ABCC1: variants seen among roughly 807,000 people sequenced by gnomAD.
ABCC1 encodes the protein multidrug resistance-associated protein 1.
In ABCC1, 83 loss-of-function variants were observed where a neutral mutation model predicts 172.9. The ratio of observed to expected loss-of-function variants is 0.48; its 90% confidence interval spans 0.40 to 0.58. ABCC1 has a LOEUF of 0.58. Ranked by LOEUF, ABCC1 falls within the 20% of genes least tolerant of loss-of-function variation. ABCC1 has a pLI of 0.00. For missense variants in ABCC1, 1,817 were observed against 2,002.7 expected (o/e 0.91, Z 1.77); for synonymous variants, 937 against 825.2 (o/e 1.14, Z -2.32).
At chr16:16,128,854 G>T (rs1435758914) in intron 26 of ABCC1, among the ~76,000 whole-genome samples, 3 of 152,148 alleles carry the variant, frequency 2.0e-5, no homozygotes, top group Admixed American at 6.5e-5. Context: ...AAATTAGTTG[G>T]CATGGTGGCA....
chr16:16,134,631 T>A, intron 28 of ABCC1, 123 bp downstream of exon 28: 11 of 680,678 alleles, frequency 1.6e-5, no homozygotes, highest in South Asian at 4.1e-5. Flanking sequence ...CGTTCTTTTT[T>A]TTTTTTTTTT....
intron 20 of ABCC1, among the ~76,000 whole-genome samples, chr16:16,105,713 T>C (rs2052056322): frequency 7.4e-6 from 1 of 135,578 alleles, no homozygotes; most frequent in African/African-American, 2.9e-5. Flanking sequence ...TCTTTTCTTT[T>C]CTTTTTTTTT....
intron 9 of ABCC1, among the ~76,000 whole-genome samples, chr16:16,046,551 G>A (rs993856824): frequency 4.6e-5 from 7 of 152,024 alleles, no homozygotes; most frequent in African/African-American, 7.2e-5. Flanking sequence ...CGCCATGTTG[G>A]CCAGGCTGAT....
At chr16:15,974,381 A>G (rs2046436549) in intron 1 of ABCC1, among the ~76,000 whole-genome samples, 1 of 43,350 alleles carries the variant, frequency 2.3e-5, no homozygotes, top group African/African-American at 1.3e-4. Flanking sequence ...CTTGACAATG[A>G]TGCTCAGACC....
chr16:16,124,327 GT>G (rs2045311431), intron 24 of ABCC1, among the ~76,000 whole-genome samples: 1 of 85,818 alleles, frequency 1.2e-5, no homozygotes. Context: ...GTGTGTGTGT[GT>G]GTGTGTGTGT....
At position 16,044,506 on chromosome 16, in the gene ABCC1, C is replaced by A; in HGVS notation, c.866C>A (p.Ser289Tyr). The A allele has an allele frequency of 6.2e-7, 1 of 1,614,140 alleles. No homozygotes were observed. The highest frequency in any genetic ancestry group is 8.5e-7 in the Non-Finnish European group (1 of 1,180,038). Reference protein sequence around the residue: ...SKDPAQPKESSKVDANEEVEA... With the variant: ...SKDPAQPKESYKVDANEEVEA... ...GATCCTGCCCAGCCGAAAGAGAGTT[C>A]CAAGGTGGATGCGAATGAGGAGGTG... The change falls in exon 8 of 31, where the codon TCC becomes TAC. Residue 289 changes from serine to tyrosine, a missense_variant. By Grantham distance (144) the Ser-to-Tyr change is moderately radical (BLOSUM62 -2). Coordinates refer to ENST00000399410, the MANE Select transcript of ABCC1 (RefSeq NM_004996.4).
At chr16:16,086,772 G>A (rs1238268141) in intron 17 of ABCC1, 52 bp from the exon 18 acceptor site, 4 of 1,597,120 alleles carry the variant, frequency 2.5e-6, no homozygotes, top group Non-Finnish European at 3.4e-6. Flanking sequence ...TCTACGTATT[G>A]TGAGTCTCAA....
chr16:16,053,122 A>G (rs774028371), intron 11 of ABCC1, among the ~76,000 whole-genome samples: 1 of 152,130 alleles, frequency 6.6e-6, no homozygotes, highest in Non-Finnish European at 1.5e-5. Context: ...CTGGAATCAG[A>G]AGGTCTGTGA....
chr16:15,951,216 CTT>C (rs2045863833), intron 1 of ABCC1, among the ~76,000 whole-genome samples: 2 of 152,156 alleles, frequency 1.3e-5, no homozygotes, highest in East Asian at 3.9e-4. Context: ...AGAATATTCT[CTT>C]GTTTATTTTC....
chr16:16,078,560 C>T (rs2050678265), intron 15 of ABCC1, among the ~76,000 whole-genome samples: 1 of 152,212 alleles, frequency 6.6e-6, no homozygotes. Context: ...CTGGCCACTA[C>T]CTACCTCAGT....
intron 26 of ABCC1, among the ~76,000 whole-genome samples, chr16:16,128,460 T>A (rs1456615825): frequency 6.6e-6 from 1 of 152,212 alleles, no homozygotes; most frequent in Admixed American, 6.5e-5. Flanking sequence ...GAGTTCAGTT[T>A]TTAAAAGCAT....
chr16:16,085,309 G>A (rs1479111447), intron 17 of ABCC1, among the ~76,000 whole-genome samples: 1 of 152,176 alleles, frequency 6.6e-6, no homozygotes, highest in Non-Finnish European at 1.5e-5. Context: ...TGCTTGCCTG[G>A]CCACTTTGCT....
At chr16:15,985,102 T>G (rs751032581) in intron 1 of ABCC1, among the ~76,000 whole-genome samples, 1 of 152,138 alleles carries the variant, frequency 6.6e-6, no homozygotes, top group Non-Finnish European at 1.5e-5. Context: ...GACTCTGTCT[T>G]AAAGCAAAAA....
rs975801270 is a variant in ABCC1, at chr16:16,009,843, G to C, written c.293G>C (p.Arg98Pro). 3 of 1,611,836 alleles carry C rather than the reference G, an allele frequency of 1.9e-6. No individual in the cohort carries two copies. The highest frequency in any genetic ancestry group is 4.5e-5 in the East Asian group (2 of 44,710). The stretch of plus-strand genomic sequence containing the variant: ...TTCTACTCTTTCTGGGAAAGAAGTC[G>C]GGGCATATTCCTGGCCCCAGTGTTT... Reference protein sequence around the residue: ...DLFYSFWERSRGIFLAPVFLV... With the variant: ...DLFYSFWERSPGIFLAPVFLV... Residue 98 changes from arginine (R) to proline (P), a missense_variant, in exon 3 of 31, where the codon CGG becomes CCG. Physicochemically the swap from Arg to Pro is moderately radical, Grantham distance 103. This residue lies in a region of ABCC1 where 398 missense variants were observed against 384.2 expected (regional missense o/e 1.04). Transcript: ENST00000399410.
intron 1 of ABCC1, among the ~76,000 whole-genome samples, chr16:15,996,631 GTTATCCCTGCAGGCCTGCTTGCC>G (rs941831512): frequency 7.3e-4 from 111 of 152,276 alleles, no homozygotes; most frequent in African/African-American, 2.4e-3. Context: ...GGCTGCATGC[GTTATCCCTGCAGGCCTGCTTGCC>G]TTATCCCTGC....
At chr16:16,133,527 C>A (rs1227353712) in intron 27 of ABCC1, among the ~76,000 whole-genome samples, 1 of 152,096 alleles carries the variant, frequency 6.6e-6, no homozygotes, top group African/African-American at 2.4e-5. Flanking sequence ...CCTCCGTCTC[C>A]CGAGTATCTG....
In ABCC1 at chr16:16,111,518, C is replaced by T. The variant is rs1285426107; in HGVS notation, c.3015C>T (p.Val1005=). 1 of 1,614,182 alleles carries T rather than the reference C, an allele frequency of 6.2e-7. No individual in the cohort carries two copies. Among genetic ancestry groups the T allele is most frequent in the South Asian group, 1.1e-5 (1 of 91,078 alleles). ...GCCTCTGGACTGATGACCCCATCGTCAACGGGACTCAGGAGCACACGAAAG... is the reference window on the plus strand; with the variant it reads ...GCCTCTGGACTGATGACCCCATCGTTAACGGGACTCAGGAGCACACGAAAG... ...WLSLWTDDPI[V]NGTQEHTKVR... The change falls in exon 22 of 31, where the codon GTC becomes GTT. Residue 1005 remains valine (V), a synonymous_variant. Transcript: ENST00000399410.
intron 13 of ABCC1, among the ~76,000 whole-genome samples, chr16:16,070,955 A>G (rs867148590): frequency 2.0e-5 from 3 of 152,176 alleles, no homozygotes; most frequent in Non-Finnish European, 4.4e-5. Context: ...CCCATATCCA[A>G]GTTTTCTGGA....
chr16:16,004,647 G>T (rs1006665155), intron 1 of ABCC1, among the ~76,000 whole-genome samples: 1 of 142,874 alleles, frequency 7.0e-6, no homozygotes, highest in Non-Finnish European at 1.5e-5. Flanking sequence ...TGTTGGCCTT[G>T]TAAGGTTTAC....
Sources: gnomAD v4.1 joint callset for allele counts (sites outside exome capture counted in the v4.1 genomes callset) on GRCh38, gnomAD v4.1.1 for gene constraint, gnomAD v4.1.1 regional missense constraint, MANE v1.5 for transcripts, NCBI Gene and HGNC (gene_info 2026-07-23, HGNC 2026-07-21) for gene names.